The following ASB3 variants were observed in gnomAD, a reference collection of about 807,000 sequenced individuals.
The protein encoded by ASB3 is ankyrin repeat and SOCS box protein 3.
A neutral mutation model predicts 54.5 loss-of-function variants in ASB3; 41 were observed. That is an observed-to-expected ratio of 0.75 (90% confidence interval 0.59 to 0.98). The LOEUF (loss-of-function observed/expected upper bound fraction) is 0.98. Ranked by LOEUF, ASB3 falls within the 50% of genes least tolerant of loss-of-function variation. The pLI, the probability that ASB3 is intolerant of heterozygous loss-of-function variation, is 0.00. For synonymous variants in ASB3, 266 were observed against 221.2 expected (o/e 1.20, Z -1.80); for missense variants, 733 against 620.0 (o/e 1.18, Z -1.94).
In ASB3 at chr2:53,774,055, T is replaced by A. The variant is rs1442595552; in HGVS notation, c.-13-8470A>T. 16 of 1,330,946 alleles carry A rather than the reference T, an allele frequency of 1.2e-5. No homozygotes were observed. The East Asian group carries it at 3.7e-4, about 31-fold the overall frequency. 82.4% of individuals were successfully genotyped at this position (1,330,946 alleles called of 1,614,324 possible). A position where few individuals can be genotyped will look rare whatever the true frequency, so the allele number is the denominator to read the frequency against. On this transcript the variant is annotated intron_variant, in intron 1 of 9. Coordinates refer to ENST00000263634, the MANE Select transcript of ASB3 (RefSeq NM_016115.5). ...TCTCAAAAACAAACAGAAAAGAATA[T>A]ATGAGATACTCCCTTAGATCACAAC...
intron 9 of ASB3, among the ~76,000 whole-genome samples, chr2:53,689,678 C>T (rs1290115491): frequency 6.6e-6 from 1 of 152,182 alleles, no homozygotes; most frequent in African/African-American, 2.4e-5. Context: ...TAGGGCATTG[C>T]TCAAAGTTTC....
rs767167616 is a variant in ASB3 at position 53,767,903 on chromosome 2, A to C, written c.-13-2318T>G. On this transcript the variant is annotated intron_variant, in intron 1 of 9. Coordinates refer to ENST00000263634, the MANE Select transcript of ASB3 (RefSeq NM_016115.5). The stretch of plus-strand genomic sequence containing the variant: ...CGCGAGAAGATGTGGGTTTTTGGTT[A>C]CGGGTCCCTGATCTGGAAGGTGGAT... The C allele has an allele frequency of 2.5e-6, 4 of 1,612,548 alleles. No individual in the cohort carries two copies. In the Admixed American group the frequency reaches 6.7e-5, roughly 27 times the overall value.
chr2:53,743,164 C>CTTTTTTTTT (rs60857484), intron 3 of ASB3, among the ~76,000 whole-genome samples: 1 of 117,860 alleles, frequency 8.5e-6, no homozygotes, highest in Admixed American at 8.7e-5. Context: ...ATTTTTTTAC[C>CTTTTTTTTT]TTTTTTTTTT....
At chr2:53,733,773 C>A (rs1032813266) in intron 3 of ASB3, among the ~76,000 whole-genome samples, 8 of 152,194 alleles carry the variant, frequency 5.3e-5, no homozygotes, top group Non-Finnish European at 1.2e-4. Flanking sequence ...ATTAAAGACA[C>A]ACACAGAGAA....
intron 1 of ASB3, among the ~76,000 whole-genome samples, chr2:53,768,730 G>C (rs1293456379): frequency 1.3e-5 from 2 of 152,160 alleles, no homozygotes; most frequent in African/African-American, 4.8e-5. Context: ...TGAAATGTAA[G>C]TTCATTGATT....
At chr2:53,688,074 C>T (rs770523716) in intron 9 of ASB3, among the ~76,000 whole-genome samples, 10 of 152,238 alleles carry the variant, frequency 6.6e-5, no homozygotes, top group Non-Finnish European at 1.5e-4. Context: ...CCCACCTCGG[C>T]CTCTCAAAGT....
chr2:53,772,702 G>C (rs942460574), intron 1 of ASB3, among the ~76,000 whole-genome samples: 2 of 152,040 alleles, frequency 1.3e-5, no homozygotes, highest in African/African-American at 4.8e-5. Flanking sequence ...GTTGTGTTTT[G>C]TGTTTTTGTT....
intron 1 of ASB3, chr2:53,768,035 C>A: frequency 6.2e-7 from 1 of 1,611,924 alleles, no homozygotes; most frequent in Non-Finnish European, 8.5e-7. Context: ...AGGCGCCGGT[C>A]AGCTCCCCAC....
At chr2:53,767,719 C>T (rs922084430) in intron 1 of ASB3, 8 of 751,814 alleles carry the variant, frequency 1.1e-5, no homozygotes, top group East Asian at 8.1e-5. Context: ...GACTGAGATC[C>T]GCTCGGAAAA....
intron 9 of ASB3, among the ~76,000 whole-genome samples, chr2:53,677,268 C>A (rs371336762): frequency 6.6e-6 from 1 of 152,170 alleles, no homozygotes; most frequent in Non-Finnish European, 1.5e-5. Flanking sequence ...AATATTTGCA[C>A]AATGACAAAA....
chr2:53,769,260 C>A (rs982950268), intron 1 of ASB3, among the ~76,000 whole-genome samples: 4 of 152,160 alleles, frequency 2.6e-5, no homozygotes, highest in Admixed American at 6.5e-5. Flanking sequence ...CCTCTGATCC[C>A]AACACTTCGG....
At chr2:53,691,688 T>C (rs549704367) in intron 9 of ASB3, among the ~76,000 whole-genome samples, 1 of 152,234 alleles carries the variant, frequency 6.6e-6, no homozygotes, top group Non-Finnish European at 1.5e-5. Flanking sequence ...TTGAGTATCC[T>C]AAAAACTGAT....
chr2:53,701,251 T>G (rs1276326959), intron 7 of ASB3, among the ~76,000 whole-genome samples: 1 of 152,214 alleles, frequency 6.6e-6, no homozygotes, highest in Non-Finnish European at 1.5e-5. Context: ...TATGCCACCG[T>G]GACTGGCCTT....
intron 2 of ASB3, chr2:53,763,720 A>T (rs1256587620): frequency 6.1e-6 from 1 of 164,124 alleles, no homozygotes; most frequent in Non-Finnish European, 1.5e-5. Flanking sequence ...CGATATGAAG[A>T]AGAGATGTAA....
At chr2:53,688,174 G>T (rs10209918) in intron 9 of ASB3, among the ~76,000 whole-genome samples, 10,285 of 152,240 alleles carry the variant, frequency 0.068, 356 homozygotes, top group African/African-American at 0.091. Context: ...GGATCTGGTT[G>T]TAAGTTAACT....
chr2:53,742,266 A>G (rs1671971734), intron 3 of ASB3, among the ~76,000 whole-genome samples: 4 of 152,254 alleles, frequency 2.6e-5, no homozygotes, highest in Admixed American at 2.6e-4. Context: ...GGAAAACTCC[A>G]TAATATGGAA....
At chr2:53,760,763 T>C (rs549887068) in intron 2 of ASB3, among the ~76,000 whole-genome samples, 1 of 152,328 alleles carries the variant, frequency 6.6e-6, no homozygotes, top group South Asian at 2.1e-4. Context: ...ATCTGTGAAG[T>C]GTGCCGAAGA....
At chr2:53,670,716 A>C in intron 9 of ASB3, 26 bp from the exon 10 acceptor site, 1 of 1,586,342 alleles carries the variant, frequency 6.3e-7, no homozygotes, top group Non-Finnish European at 8.6e-7. Flanking sequence ...AAGCAAGGTG[A>C]AACTTTTTTA....
intron 2 of ASB3, 109 bp from the exon 3 acceptor site, chr2:53,751,050 G>A (rs115817165): frequency 0.02 from 25,813 of 1,264,396 alleles, 317 homozygotes; most frequent in South Asian, 0.037. Context: ...TGTAAGTAAT[G>A]TATAAATGAC....
Sources: allele counts gnomAD v4.1 joint callset (sites outside exome capture counted in the v4.1 genomes callset), GRCh38; gene constraint gnomAD v4.1.1; transcripts MANE v1.5; gene names NCBI Gene and HGNC (gene_info 2026-07-23, HGNC 2026-07-21).